ANKEF1: variants seen among roughly 807,000 people sequenced by gnomAD.
ANKEF1 encodes the protein ankyrin repeat and EF-hand domain-containing protein 1.
ANKEF1 carries 43 observed loss-of-function variants against 65.1 expected under a neutral mutation model. That is an observed-to-expected ratio of 0.66 (90% CI 0.52 to 0.85). The LOEUF is 0.85. ANKEF1 is among the 40% of genes least tolerant of loss of function. The pLI, the probability that ANKEF1 is intolerant of heterozygous loss-of-function variation, is 0.00. For missense variants in ANKEF1, 934 were observed against 952.9 expected, an observed-to-expected ratio of 0.98 and a Z score of 0.26; for synonymous variants, 316 against 341.5, an observed-to-expected ratio of 0.93 and a Z score of 0.82.
chr20:10,058,293 A>G lies in ANKEF1; in HGVS notation c.*2633A>G, dbSNP rs1368814797. 6.6e-6 allele frequency: 1 copy of G among 152,150 alleles called. No homozygotes were observed. Among genetic ancestry groups the G allele is most frequent in the Non-Finnish European group, 1.5e-5 (1 of 68,002 alleles). 9.4% of individuals were successfully genotyped at this position (152,150 alleles called of 1,614,324 possible). A position where few individuals can be genotyped will look rare whatever the true frequency, so the allele number is the denominator to read the frequency against. ...TTTATTGCACAAATACAGTATTTAT[A>G]ACATACAAAATACGTGTTAATTGAT... On this transcript the variant is annotated 3_prime_UTR_variant, in exon 11 of 11. Transcript: ENST00000378392.
intron 8 of ANKEF1, 47 bp from the exon 9 acceptor site, chr20:10,053,060 TTATCA>T: frequency 6.6e-7 from 1 of 1,508,766 alleles, no homozygotes; most frequent in South Asian, 1.4e-5. Context: ...TCTACATGGT[TTATCA>T]TTAATATGTT....
intron 2 of ANKEF1, among the ~76,000 whole-genome samples, chr20:10,036,577 C>CAGTG (rs1983871672): frequency 6.6e-6 from 1 of 152,198 alleles, no homozygotes; most frequent in African/African-American, 2.4e-5. Flanking sequence ...CCCGGTGGCT[C>CAGTG]ACGCCTGTAG....
At chr20:10,039,943 C>G (rs1984075175) in intron 3 of ANKEF1, among the ~76,000 whole-genome samples, 1 of 151,800 alleles carries the variant, frequency 6.6e-6, no homozygotes, top group African/African-American at 2.4e-5. Flanking sequence ...GAGTTTGAAA[C>G]AGATACAAAT....
At chr20:10,043,577 T>G (rs2122236159) in intron 4 of ANKEF1, among the ~76,000 whole-genome samples, 1 of 152,136 alleles carries the variant, frequency 6.6e-6, no homozygotes, top group South Asian at 2.1e-4. Context: ...AAAAAAGGCA[T>G]TGCTGATGCC....
intron 2 of ANKEF1, among the ~76,000 whole-genome samples, chr20:10,037,807 T>C (rs1445477779): frequency 6.6e-6 from 1 of 152,252 alleles, no homozygotes; most frequent in Non-Finnish European, 1.5e-5. Flanking sequence ...ATCTCTGATA[T>C]GTTACAGAGC....
Position 10,056,756 on chromosome 20 carries a change from C to G in ANKEF1, c.*1096C>G, listed in dbSNP as rs1985198915. Reference sequence around the variant, plus strand: ...CCTAAAATAAAAGGCATCCATTTACCTAACCAGATTACGATTGTGAAAATT... The same window carrying G: ...CCTAAAATAAAAGGCATCCATTTACGTAACCAGATTACGATTGTGAAAATT... On this transcript the variant is annotated 3_prime_UTR_variant, in exon 11 of 11. Transcript: ENST00000378392. 6.6e-6 allele frequency: 1 copy of G among 152,076 alleles called. No individual in the cohort carries two copies. Among genetic ancestry groups the G allele is most frequent in the South Asian group, 2.1e-4 (1 of 4,822 alleles). 9.4% of individuals were successfully genotyped at this position (152,076 alleles called of 1,614,324 possible). A position where few individuals can be genotyped will look rare whatever the true frequency, so the allele number is the denominator to read the frequency against.
intron 3 of ANKEF1, 102 bp from the exon 4 acceptor site, chr20:10,043,020 T>C (rs1984280127): frequency 5.3e-6 from 6 of 1,133,712 alleles, no homozygotes; most frequent in Non-Finnish European, 7.5e-6. Flanking sequence ...GAGGCAGATA[T>C]GCCTTTAACT....
rs757849696 is a variant in ANKEF1 at position 10,049,405 on chromosome 20, G to A, written c.836G>A (p.Trp279Ter). Residue 279 changes from tryptophan (W) to a stop codon, truncating the protein, a stop_gained, in exon 7 of 11, where the codon TGG (tryptophan) becomes TAG (stop). Transcript: ENST00000378392. LOFTEE classifies it high-confidence loss of function. ...TATGTTTTAGGATGTGACCTGAAAT[G>A]GAAGAATTTAGATCATAAAACGCCC... ...YIAQRGCDLK[W>*]KNLDHKTPRA... is the part of the protein sequence containing the mutation. The A allele has an allele frequency of 1.9e-6, 3 of 1,610,484 alleles. No individual in the cohort carries two copies. The highest frequency in any genetic ancestry group is 2.5e-6 in the Non-Finnish European group (3 of 1,178,870).
chr20:10,040,286 C>G (rs1984105634), intron 3 of ANKEF1, among the ~76,000 whole-genome samples: 1 of 152,182 alleles, frequency 6.6e-6, no homozygotes, highest in African/African-American at 2.4e-5. Flanking sequence ...TGCCAGTGGC[C>G]AAAGTGCTTT....
chr20:10,051,690 TC>T lies in ANKEF1; in HGVS notation c.1672del (p.Leu558CysfsTer26). Reference sequence around the variant, plus strand: ...CTAACGTTAATGCAACAGATAACTTTCTGTGGACTCCACTTCATTTTGCATG... The same window carrying T: ...CTAACGTTAATGCAACAGATAACTTTTGTGGACTCCACTTCATTTTGCATG... ...GANVNATDNF[L>X]WTPLHFACHA... On this transcript the variant is annotated frameshift_variant, in exon 8 of 11. Coordinates refer to ENST00000378392, the MANE Select transcript of ANKEF1 (RefSeq NM_022096.6). LOFTEE classifies it high-confidence loss of function. The T allele has an allele frequency of 1.2e-6, 2 of 1,613,664 alleles. No homozygotes were observed. The highest frequency in any genetic ancestry group is 8.5e-7 in the Non-Finnish European group (1 of 1,179,744).
intron 3 of ANKEF1, 135 bp downstream of exon 3, chr20:10,038,782 C>G (rs958611814): frequency 1.5e-6 from 1 of 673,734 alleles, no homozygotes; most frequent in Non-Finnish European, 2.5e-6. Flanking sequence ...AATTCTCACT[C>G]CTATACCTAA....
rs149947686 is a variant in ANKEF1 at position 10,051,957 on chromosome 20, C to T, written c.1870+68C>T. On this transcript the variant is annotated intron_variant, in intron 8 of 10. Transcript: ENST00000378392. ...ACTTATGTTAGATTCTAAGCCCCTT[C>T]TGATTCTATTCTCGTAGGCTTGCAT... The T allele has an allele frequency of 9.0e-6, 11 of 1,217,496 alleles. No individual in the cohort carries two copies. In the African/African-American group the frequency reaches 1.7e-4, roughly 18 times the overall value. 75.4% of individuals were successfully genotyped at this position (1,217,496 alleles called of 1,614,324 possible).
rs759970210 is a variant in ANKEF1, at chr20:10,038,404, G to A, written c.103G>A (p.Gly35Arg). Reference sequence around the variant, plus strand: ...GCAGATAGAGAAGCTGACCAAGCTTGGATACCCTGAACTAATCAATTATAC... The same window carrying A: ...GCAGATAGAGAAGCTGACCAAGCTTAGATACCCTGAACTAATCAATTATAC... ...KKQIEKLTKL[G>R]YPELINYTEP... is the part of the protein sequence containing the mutation. Residue 35 changes from glycine (G) to arginine (R), a missense_variant, in exon 3 of 11, where the codon GGA (glycine) becomes AGA (arginine). Transcript: ENST00000378392. The A allele has an allele frequency of 8.1e-6, 13 of 1,613,932 alleles. No individual in the cohort carries two copies. The highest frequency in any genetic ancestry group is 1.1e-5 in the Non-Finnish European group (13 of 1,179,838).
Position 10,055,760 on chromosome 20 carries a change from A to C in ANKEF1, c.*100A>C. 8.2e-7 allele frequency: 1 copy of C among 1,226,474 alleles called. No homozygotes were observed. The highest frequency in any genetic ancestry group is 2.4e-5 in the East Asian group (1 of 42,538). 76.0% of individuals were successfully genotyped at this position (1,226,474 alleles called of 1,614,324 possible). On this transcript the variant is annotated 3_prime_UTR_variant, in exon 11 of 11. Transcript: ENST00000378392. ...TCAAAGCCAAAGCAATCCATACACC[A>C]AGAACTTGTTACCAAGAATTTCTTT...
chr20:10,038,300 G>A lies in ANKEF1; in HGVS notation c.-2G>A, dbSNP rs759369948. 4 of 1,502,118 alleles carry A rather than the reference G, an allele frequency of 2.7e-6. No homozygotes were observed. In the East Asian group the frequency reaches 6.9e-5, roughly 26 times the overall value. The allele number at this position is 1,502,118 out of a possible 1,614,324, so 93.0% of individuals were successfully genotyped here. A position where few individuals can be genotyped will look rare whatever the true frequency, so the allele number is the denominator to read the frequency against. On this transcript the variant is annotated 5_prime_UTR_variant, in exon 3 of 11. Coordinates refer to ENST00000378392, the MANE Select transcript of ANKEF1 (RefSeq NM_022096.6). ...AAAGCATTTTCAAGGAGCTGGTCAA[G>A]CATGGCTTTAGCAGATAAGAGACTT...
rs149027653 is a variant in ANKEF1, at chr20:10,056,282, CGATAGCCCTAGCCCTAGATA to C, written c.*649_*668del. ...GAATACACTTTTAACAGCCCTAGAT[CGATAGCCCTAGCCCTAGATA>C]GATAGCCCTAGCCCTAGATAGATAG... On this transcript the variant is annotated 3_prime_UTR_variant, in exon 11 of 11. Transcript: ENST00000378392. The C allele has an allele frequency of 0.4, 60,598 of 150,622 alleles. 12,848 individuals carry two copies. The highest frequency in any genetic ancestry group is 0.45 in the Non-Finnish European group (30,441 of 67,586). The allele number at this position is 150,622 out of a possible 1,614,324, so 9.3% of individuals were successfully genotyped here. A position where few individuals can be genotyped will look rare whatever the true frequency, so the allele number is the denominator to read the frequency against.
rs1292109865 is a variant in ANKEF1 at position 10,055,601 on chromosome 20, C to G, written c.2272C>G (p.Pro758Ala). Residue 758 changes from proline to alanine, a missense_variant, in exon 11 of 11, where the codon CCT (proline) becomes GCT (alanine). By Grantham distance (27) the Pro-to-Ala change is conservative. Transcript: ENST00000378392. ...GGTGGACTTCGACGATTTTATGATG[C>G]CTTTTCAGAAGAACATCACAGAGAA... ...HEVDFDDFMM[P>A]FQKNITEKAR... is the part of the protein sequence containing the mutation. The G allele has an allele frequency of 6.8e-6, 11 of 1,613,702 alleles. No individual in the cohort carries two copies. The East Asian group carries it at 2.0e-4, about 29-fold the overall frequency.
chr20:10,054,562 A>G lies in ANKEF1; in HGVS notation c.2135A>G (p.Tyr712Cys). The G allele has an allele frequency of 6.2e-7, 1 of 1,609,358 alleles. No homozygotes were observed. The highest frequency in any genetic ancestry group is 8.5e-7 in the Non-Finnish European group (1 of 1,178,266). The change falls in exon 10 of 11, where the codon TAT becomes TGT. Residue 712 changes from tyrosine (Y) to cysteine (C), a missense_variant. Tyr to Cys is a radical substitution (Grantham distance 194). Transcript: ENST00000378392. ...CTGAATTCATTGATTACCAGTGGTT[A>G]TACTAAGAAAGTGGATATCACATTT... ...VHLNSLITSG[Y>C]TKKVDITFIP...
intron 3 of ANKEF1, among the ~76,000 whole-genome samples, chr20:10,042,053 T>C (rs1316996512): frequency 1.3e-5 from 2 of 152,214 alleles, no homozygotes; most frequent in African/African-American, 4.8e-5. Context: ...CATGGATTAG[T>C]TGAATTTTTG....
Sources: allele counts gnomAD v4.1 joint callset (sites outside exome capture counted in the v4.1 genomes callset), GRCh38; gene constraint gnomAD v4.1.1; transcripts MANE v1.5; gene names NCBI Gene and HGNC (gene_info 2026-07-23, HGNC 2026-07-21).